Variants in RANBP2 observed in about 807,000 individuals in gnomAD.
RANBP2 encodes RAN binding protein 2, also known as E3 SUMO-protein ligase RanBP2.
RANBP2 carries 57 observed loss-of-function variants against 303.6 expected under a neutral mutation model. That is an observed-to-expected ratio of 0.19 (90% CI 0.15 to 0.23). RANBP2 has a LOEUF of 0.23. Ranked by LOEUF, RANBP2 falls within the 10% of genes least tolerant of loss-of-function variation. RANBP2 has a pLI of 1.00. For missense variants in RANBP2, 3,138 were observed against 3,780.8 expected (o/e 0.83, Z 4.46); for synonymous variants, 1,167 against 1,301.5 (o/e 0.90, Z 2.23).
At chr2:109,393,687 C>T in the RANBP2 span, among the ~76,000 whole-genome samples, 735 of 152,066 alleles carry the variant, frequency 4.8e-3, 4 homozygotes, top group African/African-American at 0.017. Flanking sequence ...TCCCTTGTAT[C>T]GCGCTCCCAA....
chr2:109,550,781 G>A, the RANBP2 span, among the ~76,000 whole-genome samples: 4 of 152,140 alleles, frequency 2.6e-5, no homozygotes. Context: ...GCTCTCGGCT[G>A]CCCTCTGTGC....
At chr2:109,491,050 T>G in the RANBP2 span, 5 of 1,027,936 alleles carry the variant, frequency 4.9e-6, no homozygotes, top group Non-Finnish European at 6.6e-6. Context: ...GTTTACCAGA[T>G]GTACCTCAAC....
the RANBP2 span, among the ~76,000 whole-genome samples, chr2:109,374,100 C>G: frequency 6.6e-6 from 1 of 152,204 alleles, no homozygotes; most frequent in Non-Finnish European, 1.5e-5. Context: ...GGCTCCATAG[C>G]CCCACCTGCC....
the RANBP2 span, among the ~76,000 whole-genome samples, chr2:109,321,714 G>A: frequency 3.3e-5 from 5 of 152,222 alleles, no homozygotes; most frequent in East Asian, 1.9e-4. Context: ...GCCCCCTGCC[G>A]TGCAACTCAA....
the RANBP2 span, among the ~76,000 whole-genome samples, chr2:108,894,114 A>G: frequency 6.6e-6 from 1 of 152,194 alleles, no homozygotes; most frequent in South Asian, 2.1e-4. Context: ...CTGACCCCCT[A>G]CTAACCCCCG....
chr2:108,831,486 T>C, the RANBP2 span, among the ~76,000 whole-genome samples: 1 of 152,210 alleles, frequency 6.6e-6, no homozygotes, highest in South Asian at 2.1e-4. Flanking sequence ...TTAGAGGGGA[T>C]AAAGATATAA....
At chr2:109,473,898 T>A in the RANBP2 span, among the ~76,000 whole-genome samples, 1 of 152,144 alleles carries the variant, frequency 6.6e-6, no homozygotes, top group African/African-American at 2.4e-5. Context: ...TGCCCCTTGA[T>A]CATCAGCAGT....
chr2:108,925,621 C>CT, the RANBP2 span, among the ~76,000 whole-genome samples: 10,470 of 149,756 alleles, frequency 0.07, 479 homozygotes, highest in Middle Eastern at 0.11. Flanking sequence ...AGGTGATACA[C>CT]TTTTTTTTTT....
chr2:109,260,978 T>A, the RANBP2 span, among the ~76,000 whole-genome samples: 1 of 152,202 alleles, frequency 6.6e-6, no homozygotes, highest in Non-Finnish European at 1.5e-5. Context: ...CTCAGCCCCA[T>A]GTGCCCTTCT....
chr2:108,928,520 ACACCAC>A, the RANBP2 span, among the ~76,000 whole-genome samples: 1 of 152,182 alleles, frequency 6.6e-6, no homozygotes, highest in Non-Finnish European at 1.5e-5. Context: ...TGTACCAGGG[ACACCAC>A]CACTGCTTTT....
At chr2:108,947,932 A>G in the RANBP2 span, among the ~76,000 whole-genome samples, 1 of 152,188 alleles carries the variant, frequency 6.6e-6, no homozygotes, top group African/African-American at 2.4e-5. Flanking sequence ...TCTACCATAT[A>G]GTTAGGTTGC....
chr2:109,088,146 C>T, the RANBP2 span, among the ~76,000 whole-genome samples: 2 of 152,118 alleles, frequency 1.3e-5, no homozygotes, highest in Non-Finnish European at 1.5e-5. Flanking sequence ...CACCTGTAAT[C>T]CCAGAACTTT....
the RANBP2 span, among the ~76,000 whole-genome samples, chr2:108,857,888 A>T: frequency 6.6e-6 from 1 of 152,274 alleles, no homozygotes; most frequent in South Asian, 2.1e-4. Context: ...TATGACAGAG[A>T]TGGCATCTTT....
chr2:109,241,093 G>A, the RANBP2 span, among the ~76,000 whole-genome samples: 1 of 152,184 alleles, frequency 6.6e-6, no homozygotes, highest in African/African-American at 2.4e-5. Flanking sequence ...AGTAAGCTCT[G>A]AGAATGAGAA....
At position 108,719,552 on chromosome 2, in the gene RANBP2, T is replaced by G. The variant is rs760563493; in HGVS notation, c.-55T>G. 5 of 1,569,196 alleles carry G rather than the reference T, an allele frequency of 3.2e-6. No individual in the cohort carries two copies. Among genetic ancestry groups the G allele is most frequent in the Non-Finnish European group, 4.3e-6 (5 of 1,158,852 alleles). On this transcript the variant is annotated 5_prime_UTR_variant, in exon 1 of 29. Coordinates refer to ENST00000283195, the MANE Select transcript of RANBP2 (RefSeq NM_006267.5). The stretch of plus-strand genomic sequence containing the variant: ...GCGCTTTCCTCTTGGAAGTGGCGAC[T>G]GCTGCGGGCCTGAGCGCTGGTCTCA...
the RANBP2 span, among the ~76,000 whole-genome samples, chr2:109,717,041 C>T: frequency 6.6e-6 from 1 of 151,822 alleles, no homozygotes; most frequent in Non-Finnish European, 1.5e-5. Flanking sequence ...TCACACTAGA[C>T]AAGAAAAAGA....
At chr2:109,292,786 G>A in the RANBP2 span, among the ~76,000 whole-genome samples, 1,215 of 152,280 alleles carry the variant, frequency 8.0e-3, 12 homozygotes, top group East Asian at 0.037. Context: ...AGGCTGGAGT[G>A]CAGTGGCATG....
the RANBP2 span, chr2:109,398,700 C>T: frequency 6.2e-7 from 1 of 1,612,072 alleles, no homozygotes; most frequent in South Asian, 1.1e-5. Context: ...CCAGCGTGGC[C>T]CCAAGTCCCA....
At chr2:109,471,105 A>T in the RANBP2 span, among the ~76,000 whole-genome samples, 1 of 150,730 alleles carries the variant, frequency 6.6e-6, no homozygotes, top group South Asian at 2.1e-4. Flanking sequence ...CTCTAATCCC[A>T]GCTACTTGGG....
Sources: allele counts gnomAD v4.1 joint callset (sites outside exome capture counted in the v4.1 genomes callset), GRCh38; gene constraint gnomAD v4.1.1; transcripts MANE v1.5; gene names NCBI Gene and HGNC (gene_info 2026-07-23, HGNC 2026-07-21).